The following WDR41 variants were observed in gnomAD, a reference collection of about 807,000 sequenced individuals.
WDR41 encodes the protein WD repeat-containing protein 41.
In WDR41, 63 loss-of-function variants were observed where a neutral mutation model predicts 69.3. The ratio of observed to expected loss-of-function variants is 0.91; its 90% CI spans 0.74 to 1.12. The LOEUF is 1.12. Among genes scored for constraint, WDR41 ranks in the 50% most tolerant of loss-of-function variants. WDR41 has a pLI of 0.00. For synonymous variants in WDR41, 185 were observed against 192.1 expected, an observed-to-expected ratio of 0.96 and a Z score of 0.31; for missense variants, 543 against 534.5, an observed-to-expected ratio of 1.02 and a Z score of -0.16.
At chr5:77,474,863 G>A (rs542073906) in intron 2 of WDR41, among the ~76,000 whole-genome samples, 15 of 152,320 alleles carry the variant, frequency 9.8e-5, no homozygotes, top group Middle Eastern at 3.4e-3. Flanking sequence ...CAGCGTGAGC[G>A]ACGCAGAAGA....
At chr5:77,470,432 T>G (rs978541970) in intron 2 of WDR41, among the ~76,000 whole-genome samples, 31 of 152,078 alleles carry the variant, frequency 2.0e-4, no homozygotes, top group Non-Finnish European at 3.7e-4. Flanking sequence ...ATAACAATAT[T>G]AACCTTAAAT....
chr5:77,551,209 A>C (rs150015612), intron 1 of WDR41, among the ~76,000 whole-genome samples: 1,620 of 152,350 alleles, frequency 0.011, 32 homozygotes, highest in African/African-American at 0.037. Context: ...TTGAAAATAA[A>C]ATCTGAAATT....
intron 1 of WDR41, among the ~76,000 whole-genome samples, chr5:77,515,656 CAT>C (rs539483658): frequency 5.2e-4 from 79 of 152,252 alleles, no homozygotes; most frequent in African/African-American, 1.8e-3. Context: ...CCCACAAACA[CAT>C]GAGTCATGCA....
intron 1 of WDR41, among the ~76,000 whole-genome samples, chr5:77,508,179 T>C (rs1443328092): frequency 6.6e-6 from 1 of 151,848 alleles, no homozygotes; most frequent in Non-Finnish European, 1.5e-5. Context: ...GAGTGTGTAG[T>C]AATGCAGTCA....
chr5:77,512,871 C>T (rs1239429122), intron 1 of WDR41, among the ~76,000 whole-genome samples: 2 of 151,692 alleles, frequency 1.3e-5, no homozygotes, highest in Non-Finnish European at 2.9e-5. Flanking sequence ...TTGGTACTCA[C>T]ATATTTTATT....
At chr5:77,485,233 G>T (rs147772344) in intron 2 of WDR41, among the ~76,000 whole-genome samples, 245 of 152,116 alleles carry the variant, frequency 1.6e-3, no homozygotes, top group African/African-American at 5.3e-3. Context: ...GGTACTAGAA[G>T]GATCTATACT....
intron 1 of WDR41, among the ~76,000 whole-genome samples, chr5:77,543,526 A>G (rs1029960244): frequency 2.6e-5 from 4 of 152,108 alleles, no homozygotes; most frequent in African/African-American, 7.3e-5. Flanking sequence ...AAATCTCAGC[A>G]ATAGAACTGA....
At chr5:77,496,550 C>G (rs1457822772), upstream of WDR41, among the ~76,000 whole-genome samples, 1 of 151,998 alleles carries the variant, frequency 6.6e-6, no homozygotes, top group African/African-American at 2.4e-5. Flanking sequence ...AGGAATAAAT[C>G]TAACCCTGGA....
intron 1 of WDR41, among the ~76,000 whole-genome samples, chr5:77,529,333 A>G (rs1279813031): frequency 2.6e-5 from 4 of 151,498 alleles, no homozygotes; most frequent in Non-Finnish European, 5.9e-5. Context: ...AAACCTCTAC[A>G]CAGAGAAACG....
intron 1 of WDR41, 29 bp from the exon 2 acceptor site, chr5:77,489,601 A>T: frequency 7.2e-7 from 1 of 1,387,142 alleles, no homozygotes; most frequent in Admixed American, 2.0e-5. Flanking sequence ...AAAAAGCAAA[A>T]AACAAAAGAC....
At chr5:77,529,103 A>G (rs1424868290) in intron 1 of WDR41, among the ~76,000 whole-genome samples, 2 of 151,596 alleles carry the variant, frequency 1.3e-5, no homozygotes, top group Non-Finnish European at 1.5e-5. Context: ...TGTCATATTC[A>G]TAGCTGACAT....
At chr5:77,610,576 A>G (rs1744526398) in intron 1 of WDR41, among the ~76,000 whole-genome samples, 1 of 151,706 alleles carries the variant, frequency 6.6e-6, no homozygotes, top group Non-Finnish European at 1.5e-5. Context: ...GTGAAGGAGA[A>G]ATAAAATACT....
At chr5:77,471,534 A>T (rs1197190011) in intron 2 of WDR41, among the ~76,000 whole-genome samples, 2 of 152,216 alleles carry the variant, frequency 1.3e-5, no homozygotes, top group East Asian at 3.8e-4. Flanking sequence ...CGCTAGTAAG[A>T]CTAATAAAGA....
chr5:77,612,808 A>G (rs1744589998), intron 1 of WDR41, among the ~76,000 whole-genome samples: 3 of 150,106 alleles, frequency 2.0e-5, no homozygotes, highest in Non-Finnish European at 4.5e-5. Context: ...ATTAGGCAGG[A>G]GAAGGAAATA....
At chr5:77,547,565 TA>T (rs1378556408) in intron 1 of WDR41, among the ~76,000 whole-genome samples, 2 of 150,378 alleles carry the variant, frequency 1.3e-5, no homozygotes, top group Non-Finnish European at 3.0e-5. Flanking sequence ...CTTAGGAATA[TA>T]CCTAATCACG....
chr5:77,590,321 G>A (rs547037055), intron 1 of WDR41, among the ~76,000 whole-genome samples: 165 of 152,114 alleles, frequency 1.1e-3, no homozygotes, highest in Non-Finnish European at 2.0e-3. Flanking sequence ...CTCCTTTCAC[G>A]ATAGGTTCAC....
chr5:77,448,116 C>T (rs1395103048), intron 8 of WDR41, among the ~76,000 whole-genome samples: 1 of 152,080 alleles, frequency 6.6e-6, no homozygotes, highest in Non-Finnish European at 1.5e-5. Context: ...ATTTAAGTAA[C>T]CATGCTGGCT....
At chr5:77,495,650 CCTGGA>C (rs1801923652), upstream of WDR41, among the ~76,000 whole-genome samples, 1 of 152,034 alleles carries the variant, frequency 6.6e-6, no homozygotes, top group Non-Finnish European at 1.5e-5. Context: ...AAAGTGAAGT[CCTGGA>C]CCAGATGGCT....
At position 77,431,040 on chromosome 5, in the gene WDR41, A is replaced by C. The variant is rs335634; in HGVS notation, c.*2095T>G. The stretch of plus-strand genomic sequence containing the variant: ...GTCATTTCCACAGTGAAGATGCTGT[A>C]AACATAGTTGAAATGACAACAAAGG... On this transcript the variant is annotated 3_prime_UTR_variant, in exon 13 of 13. Transcript: ENST00000296679. The C allele has an allele frequency of 0.22, 33,946 of 152,120 alleles. 5,925 individuals carry two copies. The highest frequency in any genetic ancestry group is 0.46 in the African/African-American group (19,067 of 41,448). 9.4% of individuals were successfully genotyped at this position (152,120 alleles called of 1,614,324 possible).
Sources: allele counts gnomAD v4.1 joint callset (sites outside exome capture counted in the v4.1 genomes callset), GRCh38; gene constraint gnomAD v4.1.1; transcripts MANE v1.5; gene names NCBI Gene and HGNC (gene_info 2026-07-23, HGNC 2026-07-21).